The following MAPKAPK3 variants were observed in gnomAD, a reference collection of about 807,000 sequenced individuals.
The protein encoded by MAPKAPK3 is MAP kinase-activated protein kinase 3.
A neutral mutation model predicts 49.2 loss-of-function variants in MAPKAPK3; 35 were observed. That is an observed-to-expected ratio of 0.71 (90% CI 0.54 to 0.94). MAPKAPK3 has a LOEUF of 0.94. Ranked by LOEUF, MAPKAPK3 falls within the 40% of genes least tolerant of loss-of-function variation. The probability of loss-of-function intolerance (pLI) is 0.00; values close to 1 mark genes in which losing one functional copy is unlikely to be tolerated. For synonymous variants in MAPKAPK3, 178 were observed against 188.7 expected (o/e 0.94, Z 0.46); for missense variants, 398 against 493.1 (o/e 0.81, Z 1.83).
intron 6 of MAPKAPK3, among the ~76,000 whole-genome samples, chr3:50,645,014 C>T (rs2033254851): frequency 6.6e-6 from 1 of 152,154 alleles, no homozygotes; most frequent in African/African-American, 2.4e-5. Flanking sequence ...GAAAAGTTCA[C>T]TGCCCTTCTG....
chr3:50,624,924 C>T (rs2032702315), intron 2 of MAPKAPK3, among the ~76,000 whole-genome samples: 1 of 152,194 alleles, frequency 6.6e-6, no homozygotes, highest in African/African-American at 2.4e-5. Context: ...CCTGTGAGCA[C>T]TGGTGTTTTC....
At chr3:50,625,568 G>A (rs1312755000) in intron 2 of MAPKAPK3, among the ~76,000 whole-genome samples, 15 of 152,210 alleles carry the variant, frequency 9.9e-5, no homozygotes, top group Admixed American at 9.8e-4. Flanking sequence ...GGCCAGAGAT[G>A]CTGAAAAGAT....
chr3:50,647,250 C>A, intron 10 of MAPKAPK3, 47 bp downstream of exon 10: 1 of 1,504,968 alleles, frequency 6.6e-7, no homozygotes, highest in Non-Finnish European at 9.1e-7. Flanking sequence ...AGGATTTGGG[C>A]AAAAGGGACT....
rs2033338129 is a variant in MAPKAPK3 at position 50,647,753 on chromosome 3, G to T, written c.997-141G>T. Reference sequence around the variant, plus strand: ...GAGGATCATGTGATGCAAAGGGCTTGGCCCAGTGCTGGGCACACAGTGGGC... The same window carrying T: ...GAGGATCATGTGATGCAAAGGGCTTTGCCCAGTGCTGGGCACACAGTGGGC... On this transcript the variant is annotated intron_variant, in intron 10 of 10. Transcript: ENST00000621469. 6.7e-6 allele frequency: 5 copies of T among 749,572 alleles called. No homozygotes were observed. The East Asian group carries it at 1.3e-4, about 19-fold the overall frequency. The allele number at this position is 749,572 out of a possible 1,614,324, so 46.4% of individuals were successfully genotyped here.
Position 50,641,762 on chromosome 3 carries a change from A to G in MAPKAPK3, c.415A>G (p.Thr139Ala). Residue 139 changes from threonine to alanine, a missense_variant, in exon 4 of 11, where the codon ACT becomes GCT. This residue lies in a region of MAPKAPK3 where 52 missense variants were observed against 91.9 expected (regional missense o/e 0.57). Transcript: ENST00000621469. ...TCAGGAGCGTGGCGACCAGGCTTTC[A>G]CTGAGAGAGGTATGTGCATGTAGCT... ...RIQERGDQAFTEREAAEIMRD... is the reference protein window; with the variant it reads ...RIQERGDQAFAEREAAEIMRD... 3 of 1,614,024 alleles carry G rather than the reference A, an allele frequency of 1.9e-6. No homozygotes were observed. The highest frequency in any genetic ancestry group is 1.7e-6 in the Non-Finnish European group (2 of 1,179,894).
chr3:50,640,532 C>G, intron 3 of MAPKAPK3, 27 bp downstream of exon 3: 1 of 1,579,326 alleles, frequency 6.3e-7, no homozygotes, highest in East Asian at 2.3e-5. Flanking sequence ...TGTCTCCACA[C>G]CCCCTCGGCA....
chr3:50,633,091 A>ATGGGGTC (rs59414747), intron 2 of MAPKAPK3, among the ~76,000 whole-genome samples: 143,525 of 151,968 alleles, frequency 0.94, 68,359 homozygotes, highest in East Asian at 1. Context: ...TGCCATGGTG[A>ATGGGGTC]CCAGTGGGAG....
intron 2 of MAPKAPK3, among the ~76,000 whole-genome samples, chr3:50,624,982 TTG>T (rs1257073499): frequency 1.2e-4 from 19 of 152,170 alleles, no homozygotes; most frequent in Non-Finnish European, 2.1e-4. Context: ...ATTGGACATC[TTG>T]TGTGGTCCCA....
upstream of MAPKAPK3, among the ~76,000 whole-genome samples, chr3:50,616,973 C>T (rs963808447): frequency 6.6e-6 from 1 of 151,972 alleles, no homozygotes; most frequent in African/African-American, 2.4e-5. Flanking sequence ...CGGGAAGCCA[C>T]GCCTCCTATT....
chr3:50,646,567 C>T (rs2033304109), intron 8 of MAPKAPK3, among the ~76,000 whole-genome samples, 173 bp from the exon 9 acceptor site: 1 of 152,208 alleles, frequency 6.6e-6, no homozygotes, highest in South Asian at 2.1e-4. Flanking sequence ...ACCAATTATC[C>T]TGAACACTTA....
At chr3:50,623,660 A>G (rs1023269219) in intron 2 of MAPKAPK3, among the ~76,000 whole-genome samples, 1 of 152,214 alleles carries the variant, frequency 6.6e-6, no homozygotes, top group Admixed American at 6.5e-5. Flanking sequence ...TATCACTCCC[A>G]TTATATGGAT....
intron 2 of MAPKAPK3, among the ~76,000 whole-genome samples, chr3:50,635,804 A>G (rs954669188): frequency 7.3e-5 from 11 of 151,262 alleles, no homozygotes; most frequent in Admixed American, 3.3e-4. Context: ...ACAAATATTG[A>G]TAGGCACAGT....
At position 50,646,275 on chromosome 3, in the gene MAPKAPK3, C is replaced by T. The variant is rs1478697217; in HGVS notation, c.829+11C>T. ...AAGTCTCTGAGGATGGTGAGTGAAC[C>T]TCTCTGTCCCAGCCTGACTCACCTG... On this transcript the variant is annotated intron_variant, in intron 8 of 10. Transcript: ENST00000621469. 2 of 1,613,968 alleles carry T rather than the reference C, an allele frequency of 1.2e-6. No homozygotes were observed. Among genetic ancestry groups the T allele is most frequent in the South Asian group, 2.2e-5 (2 of 91,074 alleles).
At chr3:50,642,374 T>G in intron 5 of MAPKAPK3, 42 bp downstream of exon 5, 12 of 1,423,264 alleles carry the variant, frequency 8.4e-6, no homozygotes, top group Middle Eastern at 1.8e-4. Flanking sequence ...GGGAAGAGGA[T>G]ATTGTCCCAC....
intron 5 of MAPKAPK3, 31 bp downstream of exon 5, chr3:50,642,363 G>A (rs1353811404): frequency 1.4e-5 from 21 of 1,546,594 alleles, no homozygotes; most frequent in Middle Eastern, 1.7e-4. Context: ...TTGGGGGCCC[G>A]GGGAAGAGGA....
intron 2 of MAPKAPK3, among the ~76,000 whole-genome samples, chr3:50,625,838 G>A (rs2032724507): frequency 6.6e-6 from 1 of 152,180 alleles, no homozygotes. Context: ...GGCAGGCGGA[G>A]GACAGAGCAG....
intron 2 of MAPKAPK3, 35 bp from the exon 3 acceptor site, chr3:50,640,331 T>C (rs776845297): frequency 1.9e-6 from 3 of 1,598,198 alleles, no homozygotes; most frequent in East Asian, 2.2e-5. Context: ...TAGAGGGCTC[T>C]GAGCCTGACA....
intron 2 of MAPKAPK3, among the ~76,000 whole-genome samples, chr3:50,627,184 CAAAAA>C (rs144747460): frequency 8.8e-5 from 8 of 91,314 alleles, no homozygotes; most frequent in African/African-American, 8.5e-5. Context: ...AACTCCATCT[CAAAAA>C]AAAAAAAAAA....
At chr3:50,644,679 G>A (rs186678459) in intron 6 of MAPKAPK3, 147 bp downstream of exon 6, 18 of 807,768 alleles carry the variant, frequency 2.2e-5, no homozygotes, top group Admixed American at 5.8e-5. Flanking sequence ...CGGGTGACGT[G>A]GGGGGCCGGA....
Sources: allele counts gnomAD v4.1 joint callset (sites outside exome capture counted in the v4.1 genomes callset), GRCh38; gene constraint gnomAD v4.1.1; regional missense constraint gnomAD v4.1.1; transcripts MANE v1.5; gene names NCBI Gene and HGNC (gene_info 2026-07-23, HGNC 2026-07-21).